Variants in SLC43A2 observed in about 807,000 individuals in gnomAD.
The protein encoded by SLC43A2 is solute carrier family 43 member 2.
A neutral mutation model predicts 63.2 loss-of-function variants in SLC43A2; 38 were observed. The ratio of observed to expected loss-of-function variants is 0.60; its 90% confidence interval spans 0.46 to 0.79. SLC43A2 has a LOEUF of 0.79. Ranked by LOEUF, SLC43A2 falls within the 30% of genes least tolerant of loss-of-function variation. The pLI is 0.00. For synonymous variants in SLC43A2, 322 were observed against 331.0 expected (o/e 0.97, Z 0.30); for missense variants, 644 against 756.2 (o/e 0.85, Z 1.74).
rs181691457 is a variant in SLC43A2, at chr17:1,591,148, C to T, written c.931+121G>A. The stretch of plus-strand genomic sequence containing the variant: ...TTTCCCTCCCCCAGGCCTTCCTGAG[C>T]GCCTCTGCAGAACAGGGCGGGCGGG... On this transcript the variant is annotated intron_variant, in intron 8 of 13. Coordinates refer to ENST00000301335, the MANE Select transcript of SLC43A2 (RefSeq NM_152346.3). 1.8e-4 allele frequency: 237 copies of T among 1,353,614 alleles called. 2 individuals carry two copies. In the African/African-American group the frequency reaches 2.7e-3, roughly 16 times the overall value. 83.9% of individuals were successfully genotyped at this position (1,353,614 alleles called of 1,614,324 possible).
rs1227762587 is a variant in SLC43A2 at position 1,575,278 on chromosome 17, A to T, written c.*326T>A. On this transcript the variant is annotated 3_prime_UTR_variant, in exon 14 of 14. Coordinates refer to ENST00000301335, the MANE Select transcript of SLC43A2 (RefSeq NM_152346.3). Reference sequence around the variant, plus strand: ...CCCCTCTGCTTTGGCAAGAGGCAGAATCCAGACACTGGCGGGAGAGCGCCT... The same window carrying T: ...CCCCTCTGCTTTGGCAAGAGGCAGATTCCAGACACTGGCGGGAGAGCGCCT... The T allele has an allele frequency of 7.0e-6, 3 of 430,188 alleles. No homozygotes were observed. In the East Asian group the frequency reaches 1.6e-4, roughly 22 times the overall value. The allele number at this position is 430,188 out of a possible 1,614,324, so 26.6% of individuals were successfully genotyped here.
chr17:1,586,090 G>C (rs2076098059), intron 9 of SLC43A2, 39 bp from the exon 10 acceptor site: 4 of 1,539,482 alleles, frequency 2.6e-6, no homozygotes, highest in Non-Finnish European at 3.5e-6. Context: ...ACGCCTGGCA[G>C]ACAGCCCTGG....
intron 12 of SLC43A2, 25 bp from the exon 13 acceptor site, chr17:1,576,745 G>T: frequency 6.2e-7 from 1 of 1,604,924 alleles, no homozygotes. Context: ...ACAGCTCACA[G>T]CCATCCTGCC....
intron 6 of SLC43A2, 34 bp from the exon 7 acceptor site, chr17:1,591,733 G>GGGGGGGGGC: frequency 1.7e-6 from 1 of 598,522 alleles, no homozygotes; most frequent in Non-Finnish European, 3.0e-6. Flanking sequence ...GTGGGGGGGG[G>GGGGGGGGGC]AGGGGGCAGA....
Position 1,593,911 on chromosome 17 carries a change from C to G in SLC43A2, c.502-632G>C, listed in dbSNP as rs1177810384. 6.6e-6 allele frequency among the ~76,000 whole-genome samples: 1 copy of G among 152,066 alleles called. No individual in the cohort carries two copies. Among genetic ancestry groups the G allele is most frequent in the Non-Finnish European group, 1.5e-5 (1 of 68,016 alleles). The stretch of plus-strand genomic sequence containing the variant: ...CTGGAGCGCAGTGGTGTGAGCTCGG[C>G]TCGTTGCAACCTCCGCCTCCCTGGT... On this transcript the variant is annotated intron_variant, in intron 5 of 13. Coordinates refer to ENST00000301335, the MANE Select transcript of SLC43A2 (RefSeq NM_152346.3). The surrounding 1 kb of genome is among the most constrained non-coding windows in gnomAD (Gnocchi z 5.3).
At chr17:1,627,029 AATTC>A (rs1908720841) in intron 2 of SLC43A2, among the ~76,000 whole-genome samples, 1 of 152,176 alleles carries the variant, frequency 6.6e-6, no homozygotes, top group Admixed American at 6.5e-5. Context: ...TGCCTTCAGC[AATTC>A]CAGTGACAAG....
At chr17:1,610,943 C>A (rs546251936) in intron 5 of SLC43A2, among the ~76,000 whole-genome samples, 9 of 151,434 alleles carry the variant, frequency 5.9e-5, no homozygotes, top group African/African-American at 1.9e-4. Flanking sequence ...CGGCCTCAAG[C>A]GATTCTCCTG....
intron 5 of SLC43A2, chr17:1,603,062 G>A (rs1034904970): frequency 6.6e-6 from 1 of 151,790 alleles, no homozygotes; most frequent in Admixed American, 6.6e-5. Context: ...CCCGGCCGAG[G>A]GTTTTAAAGA....
At chr17:1,604,794 TG>T (rs1567635356) in intron 5 of SLC43A2, 1 of 1,535,788 alleles carries the variant, frequency 6.5e-7, no homozygotes, top group South Asian at 1.2e-5. Context: ...CAGCATCGGA[TG>T]GGCTTGCATT....
chr17:1,592,943 TGCCCCA>T (rs955392519), intron 6 of SLC43A2, among the ~76,000 whole-genome samples: 18 of 152,158 alleles, frequency 1.2e-4, no homozygotes, highest in Non-Finnish European at 2.5e-4. Flanking sequence ...GCCCTTCCCC[TGCCCCA>T]GCCCCGAAAT....
In SLC43A2 at chr17:1,613,202, G is replaced by A. The variant is rs779319098; in HGVS notation, c.494C>T (p.Ser165Leu). The A allele has an allele frequency of 6.2e-7, 1 of 1,613,516 alleles. No individual in the cohort carries two copies. The highest frequency in any genetic ancestry group is 1.1e-5 in the South Asian group (1 of 91,072). ...GFGGMCMTFT[S>L]LTLPNMFGDL... is the part of the protein sequence containing the mutation. ...TAAAAAATCTGTACTCACTGTTAATGAGGTGAAGGTCATACACATCCCACC... is the reference window on the plus strand; with the variant it reads ...TAAAAAATCTGTACTCACTGTTAATAAGGTGAAGGTCATACACATCCCACC... The change falls in exon 5 of 14, where the codon TCA becomes TTA. Residue 165 changes from serine to leucine, a missense_variant. By Grantham distance (145) the Ser-to-Leu change is moderately radical (BLOSUM62 -2). Around this residue, in one of 3 missense-constraint regions of SLC43A2, gnomAD observed 528 missense variants for 623.6 expected, o/e 0.85. Coordinates refer to ENST00000301335, the MANE Select transcript of SLC43A2 (RefSeq NM_152346.3).
chr17:1,608,371 C>T (rs771230324), intron 5 of SLC43A2, among the ~76,000 whole-genome samples: 7 of 151,876 alleles, frequency 4.6e-5, no homozygotes, highest in African/African-American at 7.3e-5. Context: ...TGAATAGAAA[C>T]GCTCCTGCCA....
At chr17:1,610,330 G>A (rs1024358629) in intron 5 of SLC43A2, among the ~76,000 whole-genome samples, 2 of 151,294 alleles carry the variant, frequency 1.3e-5, no homozygotes, top group African/African-American at 4.9e-5. Context: ...TGGTGTCATT[G>A]TGGCATACTG....
intron 5 of SLC43A2, among the ~76,000 whole-genome samples, chr17:1,594,590 CTTTTT>C (rs59369068): frequency 5.7e-5 from 6 of 105,606 alleles, no homozygotes; most frequent in Admixed American, 1.0e-4. Context: ...TTCTTTCTTT[CTTTTT>C]TTTTTTTTTT....
At chr17:1,604,783 A>G (rs1020245943) in intron 5 of SLC43A2, 2 of 1,535,634 alleles carry the variant, frequency 1.3e-6, no homozygotes, top group Admixed American at 3.9e-5. Flanking sequence ...GTCCAGCGCC[A>G]CAGCATCGGA....
At chr17:1,581,202 C>CCACACACACGCACA (rs1555536164) in intron 11 of SLC43A2, among the ~76,000 whole-genome samples, 1 of 148,364 alleles carries the variant, frequency 6.7e-6, no homozygotes, top group Non-Finnish European at 1.5e-5. Flanking sequence ...TGCCCAGTGC[C>CCACACACACGCACA]CACACACACA....
At position 1,574,864 on chromosome 17, in the gene SLC43A2, C is replaced by T. The variant is rs61155884; in HGVS notation, c.*740G>A. ...CCACAAAAGCAGCTGTGTGTATGTA[C>T]GGGGTGCCCTGGCGGCGGTCCTCAA... On this transcript the variant is annotated 3_prime_UTR_variant, in exon 14 of 14. Transcript: ENST00000301335. 0.031 allele frequency: 4,705 copies of T among 152,980 alleles called. 239 individuals are homozygous for T. Among genetic ancestry groups the T allele is most frequent in the African/African-American group, 0.11 (4,382 of 41,540 alleles). The allele number at this position is 152,980 out of a possible 1,614,324, so 9.5% of individuals were successfully genotyped here. A position where few individuals can be genotyped will look rare whatever the true frequency, so the allele number is the denominator to read the frequency against.
intron 5 of SLC43A2, chr17:1,604,513 G>A (rs1906396212): frequency 1.7e-6 from 1 of 575,244 alleles, no homozygotes; most frequent in Admixed American, 3.1e-5. Flanking sequence ...GGCAACCTGG[G>A]GGTCCCTCAC....
At chr17:1,622,401 A>T (rs1171524563) in intron 2 of SLC43A2, among the ~76,000 whole-genome samples, 12 of 151,544 alleles carry the variant, frequency 7.9e-5, no homozygotes, top group Middle Eastern at 3.5e-3. Context: ...GTCTCTACTA[A>T]AAATACAAAA....
Sources: allele counts gnomAD v4.1 joint callset (sites outside exome capture counted in the v4.1 genomes callset), GRCh38; gene constraint gnomAD v4.1.1; regional missense constraint gnomAD v4.1.1; non-coding constraint Gnocchi (gnomAD v3.1); transcripts MANE v1.5; gene names NCBI Gene and HGNC (gene_info 2026-07-23, HGNC 2026-07-21).